DENND1A: variants seen among roughly 807,000 people sequenced by gnomAD.
The protein encoded by DENND1A is DENN domain-containing protein 1A.
A neutral mutation model predicts 113.7 loss-of-function variants in DENND1A; 51 were observed. The observed-to-expected ratio is 0.45, with a 90% confidence interval of 0.36 to 0.57. The LOEUF (loss-of-function observed/expected upper bound fraction) is 0.57, where lower values mean the gene tolerates loss of function less well. Among genes scored for constraint, DENND1A ranks in the 20% least tolerant of loss-of-function variants. DENND1A has a pLI of 0.00. For synonymous variants in DENND1A, 565 were observed against 570.8 expected, an observed-to-expected ratio of 0.99 and a Z score of 0.14; for missense variants, 1,258 against 1,395.9, an observed-to-expected ratio of 0.90 and a Z score of 1.57.
At chr9:123,811,375 G>A (rs1050002728) in intron 2 of DENND1A, among the ~76,000 whole-genome samples, 2 of 152,168 alleles carry the variant, frequency 1.3e-5, no homozygotes, top group Non-Finnish European at 2.9e-5. Context: ...GAGTATGGCT[G>A]GATGGAAAGT....
chr9:123,879,077 AC>A, intron 1 of DENND1A, 56 bp from the exon 2 acceptor site: 1 of 1,550,014 alleles, frequency 6.5e-7, no homozygotes, highest in Non-Finnish European at 8.9e-7. Flanking sequence ...ATGGTATAGA[AC>A]ATGTGGGCTA....
intron 5 of DENND1A, among the ~76,000 whole-genome samples, chr9:123,719,451 T>A (rs1389264281): frequency 6.6e-6 from 1 of 152,172 alleles, no homozygotes; most frequent in African/African-American, 2.4e-5. Flanking sequence ...TCTCTAGGTA[T>A]CACACACAGA....
intron 8 of DENND1A, among the ~76,000 whole-genome samples, chr9:123,660,974 C>A (rs1022907900): frequency 6.6e-6 from 1 of 152,202 alleles, no homozygotes; most frequent in Non-Finnish European, 1.5e-5. Context: ...GAGATGCTTG[C>A]TAAATATCCT....
At chr9:123,720,955 G>A (rs1322628255) in intron 5 of DENND1A, among the ~76,000 whole-genome samples, 1 of 152,158 alleles carries the variant, frequency 6.6e-6, no homozygotes, top group Non-Finnish European at 1.5e-5. Context: ...TAGGGAATTA[G>A]GTATGAAAAG....
At chr9:123,654,689 T>C (rs2062840044) in intron 8 of DENND1A, among the ~76,000 whole-genome samples, 1 of 152,258 alleles carries the variant, frequency 6.6e-6, no homozygotes, top group Non-Finnish European at 1.5e-5. Flanking sequence ...AACTGTCATG[T>C]ACTTTTTTTG....
chr9:123,601,262 TAACTC>T (rs906226746), intron 11 of DENND1A, among the ~76,000 whole-genome samples: 9 of 152,228 alleles, frequency 5.9e-5, no homozygotes, highest in African/African-American at 1.2e-4. Flanking sequence ...AAGAGATACT[TAACTC>T]AGCCAGAAGT....
intron 2 of DENND1A, among the ~76,000 whole-genome samples, chr9:123,874,726 G>A (rs1289752117): frequency 1.3e-5 from 2 of 152,186 alleles, no homozygotes; most frequent in Admixed American, 6.5e-5. Context: ...ACAACAAGGA[G>A]ATACTACTAT....
chr9:123,634,686 G>C (rs2061625419), intron 9 of DENND1A, among the ~76,000 whole-genome samples: 2 of 152,202 alleles, frequency 1.3e-5, no homozygotes, highest in South Asian at 2.1e-4. Context: ...CTCACTCAGT[G>C]AGAGAATGGA....
intron 21 of DENND1A, among the ~76,000 whole-genome samples, chr9:123,388,761 C>T (rs2042692574): frequency 6.6e-6 from 1 of 152,228 alleles, no homozygotes; most frequent in South Asian, 2.1e-4. Context: ...CACCAGAGGC[C>T]ATGTGCTCAG....
intron 19 of DENND1A, among the ~76,000 whole-genome samples, chr9:123,424,408 C>G (rs1218748659): frequency 6.6e-6 from 1 of 152,208 alleles, no homozygotes; most frequent in Non-Finnish European, 1.5e-5. Context: ...TCCTTTGGGT[C>G]TCCTAAATGT....
chr9:123,683,294 C>T (rs2064590282), intron 5 of DENND1A, among the ~76,000 whole-genome samples: 2 of 152,116 alleles, frequency 1.3e-5, no homozygotes, highest in African/African-American at 4.8e-5. Context: ...AGGATAGTAA[C>T]ACAACAGTCA....
intron 2 of DENND1A, among the ~76,000 whole-genome samples, chr9:123,805,304 C>T (rs1431040998): frequency 1.3e-5 from 2 of 151,960 alleles, no homozygotes; most frequent in Non-Finnish European, 2.9e-5. Context: ...ATGCTTGGGA[C>T]TAGAAGTGTT....
chr9:123,425,848 TG>T (rs1038386139), intron 19 of DENND1A, among the ~76,000 whole-genome samples: 4 of 152,202 alleles, frequency 2.6e-5, no homozygotes, highest in Non-Finnish European at 1.5e-5. Context: ...CTTGAAGGGT[TG>T]GGAGGATTTT....
chr9:123,590,706 GA>G (rs2059416475), intron 11 of DENND1A, among the ~76,000 whole-genome samples: 2 of 152,094 alleles, frequency 1.3e-5, no homozygotes, highest in South Asian at 4.2e-4. Flanking sequence ...AAAATGCATT[GA>G]ACCATATACT....
intron 2 of DENND1A, among the ~76,000 whole-genome samples, chr9:123,877,920 A>G (rs1847748459): frequency 6.6e-6 from 1 of 152,198 alleles, no homozygotes; most frequent in African/African-American, 2.4e-5. Context: ...CTGAAATAGG[A>G]AGTAGTATAA....
At chr9:123,708,374 A>T (rs2066365653) in intron 5 of DENND1A, among the ~76,000 whole-genome samples, 1 of 152,174 alleles carries the variant, frequency 6.6e-6, no homozygotes, top group Non-Finnish European at 1.5e-5. Flanking sequence ...GATCAAAGGA[A>T]ACCTGCATTA....
chr9:123,505,422 A>T (rs2052840969), intron 13 of DENND1A, among the ~76,000 whole-genome samples: 1 of 152,206 alleles, frequency 6.6e-6, no homozygotes, highest in Admixed American at 6.5e-5. Context: ...CACCCTCCAC[A>T]TTTTGAGGCA....
At chr9:123,739,082 T>A (rs1266111982) in intron 5 of DENND1A, among the ~76,000 whole-genome samples, 1 of 152,114 alleles carries the variant, frequency 6.6e-6, no homozygotes, top group East Asian at 1.9e-4. Context: ...AAAAATAAAA[T>A]CTGAAGGACA....
chr9:123,401,672 C>G (rs2043473932), intron 21 of DENND1A: 4 of 1,483,398 alleles, frequency 2.7e-6, no homozygotes, highest in Non-Finnish European at 2.7e-6. Context: ...AACAACAAAC[C>G]AACCAACCAA....
Sources: allele counts gnomAD v4.1 joint callset (sites outside exome capture counted in the v4.1 genomes callset), GRCh38; gene constraint gnomAD v4.1.1; transcripts MANE v1.5; gene names NCBI Gene and HGNC (gene_info 2026-07-23, HGNC 2026-07-21).